The following NF2 variants were observed in gnomAD, a reference collection of about 807,000 sequenced individuals.
The protein encoded by NF2 is NF2, moesin-ezrin-radixin like (MERLIN) tumor suppressor, also known as merlin.
Under a neutral mutation model 83.7 loss-of-function variants are expected in NF2, and 8 were observed. The ratio of observed to expected loss-of-function variants is 0.10; its 90% CI spans 0.06 to 0.17. The LOEUF (loss-of-function observed/expected upper bound fraction) is 0.17, where lower values mean the gene tolerates loss of function less well. Ranked by LOEUF, NF2 falls within the 10% of genes least tolerant of loss-of-function variation. NF2 has a pLI of 1.00. For synonymous variants in NF2, 266 were observed against 269.6 expected (o/e 0.99, Z 0.13); for missense variants, 533 against 744.4 (o/e 0.72, Z 3.31).
At chr22:29,635,674 T>G (rs895598296) in intron 1 of NF2, among the ~76,000 whole-genome samples, 1 of 152,178 alleles carries the variant, frequency 6.6e-6, no homozygotes, top group African/African-American at 2.4e-5. Flanking sequence ...ATCTTCAGTG[T>G]GCCAAGACTT....
chr22:29,687,367 G>C (rs1048732670), intron 15 of NF2, among the ~76,000 whole-genome samples: 1 of 152,172 alleles, frequency 6.6e-6, no homozygotes, highest in African/African-American at 2.4e-5. Context: ...TCTTGGATCA[G>C]GAAGACATAA....
rs886057337 is a variant in NF2, at chr22:29,678,278, A to G, written c.1529A>G (p.Lys510Arg). The G allele has an allele frequency of 1.9e-6, 3 of 1,613,992 alleles. No homozygotes were observed. Among genetic ancestry groups the G allele is most frequent in the Non-Finnish European group, 2.5e-6 (3 of 1,179,994 alleles). The change falls in exon 14 of 16, where the codon AAA (lysine) becomes AGA (arginine). Residue 510 changes from lysine (K) to arginine (R), a missense_variant. Transcript: ENST00000338641. ...LIGDSLSFDF[K>R]DTDMKRLSME... ...GGTGACAGCCTGTCTTTCGACTTCA[A>G]AGATACTGACATGAAGCGGCTTTCC... is the stretch of plus-strand genomic sequence containing the variant.
intron 1 of NF2, among the ~76,000 whole-genome samples, chr22:29,624,837 CTTTCT>C (rs1906594855): frequency 6.7e-6 from 1 of 148,846 alleles, no homozygotes; most frequent in African/African-American, 2.5e-5. Flanking sequence ...TTCTTTCTTT[CTTTCT>C]TTCTTTCTTT....
rs571564700 is a variant in NF2 at position 29,694,708 on chromosome 22, C to T, written c.1738-44C>T. The T allele has an allele frequency of 7.5e-6, 12 of 1,602,126 alleles. No individual in the cohort carries two copies. Among genetic ancestry groups the T allele is most frequent in the East Asian group, 2.2e-5 (1 of 44,446 alleles). The stretch of plus-strand genomic sequence containing the variant: ...CAGGACAGGACCCTGTGTGACAGAG[C>T]GGAGGTCTTGTGCCCTCTCAGCTTC... On this transcript the variant is annotated intron_variant, in intron 15 of 15. Transcript: ENST00000338641. This position sits in a 1 kb window ranked among gnomAD's most constrained non-coding sequence, Gnocchi z 4.1.
chr22:29,664,248 C>T lies in NF2; in HGVS notation c.811-742C>T, dbSNP rs189967659. 8.6e-3 allele frequency among the ~76,000 whole-genome samples: 1,315 copies of T among 152,190 alleles called. 17 individuals are homozygous for T. The highest frequency in any genetic ancestry group is 0.03 in the African/African-American group (1,249 of 41,516). Reference sequence around the variant, plus strand: ...TTGGCCTTCCAAAGTGTTGGGATTACGGGTGTGAGCCACCATATCTGGCCG... The same window carrying T: ...TTGGCCTTCCAAAGTGTTGGGATTATGGGTGTGAGCCACCATATCTGGCCG... On this transcript the variant is annotated intron_variant, in intron 8 of 15. Coordinates refer to ENST00000338641, the MANE Select transcript of NF2 (RefSeq NM_000268.4).
chr22:29,620,733 A>AT (rs2065197406), intron 1 of NF2, among the ~76,000 whole-genome samples: 1 of 151,986 alleles, frequency 6.6e-6, no homozygotes, highest in Non-Finnish European at 1.5e-5. Flanking sequence ...TCCAAAAAAA[A>AT]AAATAGAGAT....
At position 29,697,900 on chromosome 22, in the gene NF2, C is replaced by T. The variant is rs994765276; in HGVS notation, c.*3098C>T. ...CCTTTTTAAGCGAACATTTTAGGGC[C>T]TGGGAGTTTGTCAAGTAAGGAAGTC... On this transcript the variant is annotated 3_prime_UTR_variant, in exon 16 of 16. Transcript: ENST00000338641. 1 of 212,824 alleles carries T rather than the reference C, an allele frequency of 4.7e-6. No homozygotes were observed. The highest frequency in any genetic ancestry group is 5.9e-5 in the Admixed American group (1 of 16,982). The allele number at this position is 212,824 out of a possible 1,614,324, so 13.2% of individuals were successfully genotyped here.
intron 1 of NF2, among the ~76,000 whole-genome samples, chr22:29,626,565 A>G (rs1443105195): frequency 6.6e-6 from 1 of 152,228 alleles, no homozygotes; most frequent in Non-Finnish European, 1.5e-5. Flanking sequence ...AGGTCAAGCT[A>G]GAAACAGAGA....
chr22:29,685,142 CG>C lies in NF2; in HGVS notation c.1737+3543del, dbSNP rs2067238956. The stretch of plus-strand genomic sequence containing the variant: ...GTTAGTTTTGCTTTGTTTTGAGACA[CG>C]GTCTCCCTCTGTCACCCAGGCTGGT... On this transcript the variant is annotated intron_variant, in intron 15 of 15. Coordinates refer to ENST00000338641, the MANE Select transcript of NF2 (RefSeq NM_000268.4). Among the ~76,000 whole-genome samples, 4 of 151,852 alleles carry C rather than the reference CG, an allele frequency of 2.6e-5. No homozygotes were observed. The South Asian group carries it at 8.4e-4, about 32-fold the overall frequency.
In NF2 at chr22:29,697,405, C is replaced by T. The variant is rs1046651085; in HGVS notation, c.*2603C>T. 2 of 192,152 alleles carry T rather than the reference C, an allele frequency of 1.0e-5. No homozygotes were observed. The allele number at this position is 192,152 out of a possible 1,614,324, so 11.9% of individuals were successfully genotyped here. On this transcript the variant is annotated 3_prime_UTR_variant, in exon 16 of 16. Coordinates refer to ENST00000338641, the MANE Select transcript of NF2 (RefSeq NM_000268.4). Reference sequence around the variant, plus strand: ...GGACCTTGCTCAGCCAGGAGCACTTCCCCCTCCTTGAGGCAGGAATACTGA... The same window carrying T: ...GGACCTTGCTCAGCCAGGAGCACTTTCCCCTCCTTGAGGCAGGAATACTGA...
intron 1 of NF2, among the ~76,000 whole-genome samples, chr22:29,634,196 G>C (rs1441852641): frequency 6.6e-6 from 1 of 152,168 alleles, no homozygotes; most frequent in East Asian, 1.9e-4. Context: ...CACAAAAAGG[G>C]TATGAGTCTA....
At chr22:29,631,155 CA>C in intron 1 of NF2, among the ~76,000 whole-genome samples, 1 of 152,186 alleles carries the variant, frequency 6.6e-6, no homozygotes, top group Non-Finnish European at 1.5e-5. Flanking sequence ...TTCAGTACTG[CA>C]GATAGGATAA....
chr22:29,643,292 A>G (rs1302067854), intron 4 of NF2, among the ~76,000 whole-genome samples: 1 of 137,848 alleles, frequency 7.3e-6, no homozygotes, highest in Non-Finnish European at 1.6e-5. Flanking sequence ...TACTTGTGTG[A>G]TTTTTTTTTT....
Position 29,671,678 on chromosome 22 carries a change from G to C in NF2, c.1000-148G>C. ...CTGGTTTAGAAGGACGGGGTGGGGGGCAATAAGAATGACCCTGGCTACCTA... is the reference window on the plus strand; with the variant it reads ...CTGGTTTAGAAGGACGGGGTGGGGGCCAATAAGAATGACCCTGGCTACCTA... On this transcript the variant is annotated intron_variant, in intron 10 of 15. Transcript: ENST00000338641. 7.6e-6 allele frequency: 8 copies of C among 1,054,920 alleles called. No homozygotes were observed. The South Asian group carries it at 8.2e-5, about 11-fold the overall frequency. The allele number at this position is 1,054,920 out of a possible 1,614,324, so 65.3% of individuals were successfully genotyped here.
intron 4 of NF2, among the ~76,000 whole-genome samples, chr22:29,650,482 G>A (rs973829771): frequency 2.0e-5 from 3 of 152,034 alleles, no homozygotes; most frequent in African/African-American, 7.2e-5. Context: ...TGAATCAACC[G>A]TTTATGACTT....
chr22:29,689,225 T>TGGCC (rs2067344715), intron 15 of NF2, among the ~76,000 whole-genome samples: 1 of 149,756 alleles, frequency 6.7e-6, no homozygotes, highest in Admixed American at 6.6e-5. Context: ...AAGCTTGATC[T>TGGCC]GGCCACTTAG....
At chr22:29,667,301 G>A (rs1032756506) in intron 9 of NF2, among the ~76,000 whole-genome samples, 3 of 151,728 alleles carry the variant, frequency 2.0e-5, no homozygotes, top group Admixed American at 6.6e-5. Flanking sequence ...GTAATGACAC[G>A]ATCATGTCTC....
intron 7 of NF2, 87 bp from the exon 8 acceptor site, chr22:29,661,118 A>C: frequency 6.3e-7 from 1 of 1,580,282 alleles, no homozygotes; most frequent in East Asian, 2.2e-5. Flanking sequence ...GTCACATGTG[A>C]CAGTGTGTGC....
chr22:29,649,423 G>A (rs560660187), intron 4 of NF2, among the ~76,000 whole-genome samples: 12 of 152,290 alleles, frequency 7.9e-5, no homozygotes, highest in South Asian at 2.1e-4. Flanking sequence ...CTACTTGGCC[G>A]GGTGCGGTGG....
Sources: gnomAD v4.1 joint callset for allele counts (sites outside exome capture counted in the v4.1 genomes callset) on GRCh38, gnomAD v4.1.1 for gene constraint, Gnocchi (gnomAD v3.1) non-coding constraint, MANE v1.5 for transcripts, NCBI Gene and HGNC (gene_info 2026-07-23, HGNC 2026-07-21) for gene names.